Variants in ORMDL1 observed in about 807,000 individuals in gnomAD.
The protein encoded by ORMDL1 is ORMDL sphingolipid biosynthesis regulator 1.
ORMDL1 carries 10 observed loss-of-function variants against 13.0 expected under a neutral mutation model. The observed-to-expected ratio is 0.77, with a 90% CI of 0.47 to 1.30. The LOEUF is 1.30. Among genes scored for constraint, ORMDL1 ranks in the 50% most tolerant of loss-of-function variants. The pLI is 0.00. For missense variants in ORMDL1, 171 were observed against 186.7 expected, an observed-to-expected ratio of 0.92 and a Z score of 0.49; for synonymous variants, 61 against 63.9, an observed-to-expected ratio of 0.95 and a Z score of 0.22.
Position 189,770,337 on chromosome 2 carries a change from C to T in ORMDL1, c.*1430G>A, listed in dbSNP as rs114099016. 949 of 152,046 alleles carry T rather than the reference C, an allele frequency of 6.2e-3. 16 individuals are homozygous for T. The highest frequency in any genetic ancestry group is 0.021 in the African/African-American group (871 of 41,476). The allele number at this position is 152,046 out of a possible 1,614,324, so 9.4% of individuals were successfully genotyped here. A position where few individuals can be genotyped will look rare whatever the true frequency, so the allele number is the denominator to read the frequency against. Reference sequence around the variant, plus strand: ...GGCTTTTGAAATAATATTACACCAACGAAAAATTTTATTAAATTATAGATC... The same window carrying T: ...GGCTTTTGAAATAATATTACACCAATGAAAAATTTTATTAAATTATAGATC... On this transcript the variant is annotated 3_prime_UTR_variant, in exon 5 of 5. Transcript: ENST00000392349.
downstream of ORMDL1, among the ~76,000 whole-genome samples, chr2:189,769,245 G>C (rs981859997): frequency 6.6e-6 from 1 of 152,008 alleles, no homozygotes; most frequent in African/African-American, 2.4e-5. Flanking sequence ...AAATTAGCTG[G>C]GCATGGTGGT....
downstream of ORMDL1, among the ~76,000 whole-genome samples, chr2:189,769,323 G>A (rs1454056597): frequency 6.6e-6 from 1 of 151,736 alleles, no homozygotes; most frequent in Non-Finnish European, 1.5e-5. Context: ...GGAGGCAGAA[G>A]TTGCAGTGAG....
intron 4 of ORMDL1, chr2:189,773,750 T>C (rs2047632477): frequency 7.2e-6 from 1 of 139,426 alleles, no homozygotes; most frequent in African/African-American, 2.8e-5. Flanking sequence ...TGGAATAACA[T>C]TCCATGTCAC....
Position 189,770,312 on chromosome 2 carries a change from G to A in ORMDL1, c.*1455C>T, listed in dbSNP as rs1411901132. 1 of 151,894 alleles carries A rather than the reference G, an allele frequency of 6.6e-6. No homozygotes were observed. Among genetic ancestry groups the A allele is most frequent in the South Asian group, 2.1e-4 (1 of 4,826 alleles). 9.4% of individuals were successfully genotyped at this position (151,894 alleles called of 1,614,324 possible). ...TTAATTTTGATGACTAAATTTGGAG[G>A]GCTTTTGAAATAATATTACACCAAC... On this transcript the variant is annotated 3_prime_UTR_variant, in exon 5 of 5. Coordinates refer to ENST00000392349, the MANE Select transcript of ORMDL1 (RefSeq NM_016467.5).
At chr2:189,764,872 T>G in the ORMDL1 span, 1 of 152,086 alleles carries the variant, frequency 6.6e-6, no homozygotes, top group Non-Finnish European at 1.5e-5. Context: ...CTCACTCTGT[T>G]GCCAGGCTGG....
At chr2:189,777,619 TTG>T (rs1285117808) in intron 3 of ORMDL1, among the ~76,000 whole-genome samples, 1 of 152,208 alleles carries the variant, frequency 6.6e-6, no homozygotes, top group African/African-American at 2.4e-5. Context: ...GTAAAAATGT[TTG>T]TGATTATTAT....
In ORMDL1 at chr2:189,770,336, A is replaced by G. The variant is rs2047551609; in HGVS notation, c.*1431T>C. 6.6e-6 allele frequency: 1 copy of G among 152,200 alleles called. No homozygotes were observed. Among genetic ancestry groups the G allele is most frequent in the Non-Finnish European group, 1.5e-5 (1 of 68,012 alleles). 9.4% of individuals were successfully genotyped at this position (152,200 alleles called of 1,614,324 possible). A position where few individuals can be genotyped will look rare whatever the true frequency, so the allele number is the denominator to read the frequency against. ...GGGCTTTTGAAATAATATTACACCA[A>G]CGAAAAATTTTATTAAATTATAGAT... On this transcript the variant is annotated 3_prime_UTR_variant, in exon 5 of 5. Coordinates refer to ENST00000392349, the MANE Select transcript of ORMDL1 (RefSeq NM_016467.5).
chr2:189,776,914 A>G (rs1307049375), intron 3 of ORMDL1, among the ~76,000 whole-genome samples: 1 of 152,148 alleles, frequency 6.6e-6, no homozygotes, highest in Admixed American at 6.5e-5. Context: ...AAAAATGCAT[A>G]AACAGCTAGA....
At chr2:189,768,815 G>T (rs560688208), downstream of ORMDL1, among the ~76,000 whole-genome samples, 1 of 152,244 alleles carries the variant, frequency 6.6e-6, no homozygotes, top group Non-Finnish European at 1.5e-5. Flanking sequence ...CTGGAACTTA[G>T]AGCAGAATTA....
intron 3 of ORMDL1, among the ~76,000 whole-genome samples, chr2:189,776,682 A>G (rs756670279): frequency 6.6e-6 from 1 of 152,194 alleles, no homozygotes; most frequent in Non-Finnish European, 1.5e-5. Flanking sequence ...TTCAAGGCTT[A>G]GTCTACTTCC....
chr2:189,775,629 G>T lies in ORMDL1; in HGVS notation c.262C>A (p.Gln88Lys), dbSNP rs770154065. 2.5e-6 allele frequency: 4 copies of T among 1,613,894 alleles called. No homozygotes were observed. The African/African-American group carries it at 4.0e-5, about 16-fold the overall frequency. The change falls in exon 4 of 5, where the codon CAA becomes AAA. Residue 88 changes from glutamine to lysine, a missense_variant. Physicochemically the swap from Gln to Lys is moderately conservative, Grantham distance 53 (BLOSUM62 1). Transcript: ENST00000392349. ...GKARLLTHWEQLDYGVQFTSS... is the reference protein window; with the variant it reads ...GKARLLTHWEKLDYGVQFTSS... Reference sequence around the variant, plus strand: ...GTAAACTGTACTCCATAGTCCAGTTGTTCCCAATGAGTTAGGAGCCTTGCT... The same window carrying T: ...GTAAACTGTACTCCATAGTCCAGTTTTTCCCAATGAGTTAGGAGCCTTGCT...
At chr2:189,768,597 A>C (rs916330286), downstream of ORMDL1, among the ~76,000 whole-genome samples, 1 of 152,244 alleles carries the variant, frequency 6.6e-6, no homozygotes, top group African/African-American at 2.4e-5. Flanking sequence ...GTGAAGGGTA[A>C]GCCATAATTT....
At chr2:189,764,894 G>C in the ORMDL1 span, 1 of 151,720 alleles carries the variant, frequency 6.6e-6, no homozygotes, top group Non-Finnish European at 1.5e-5. Flanking sequence ...GTGCAGTGGT[G>C]CCATCTCAGC....
intron 3 of ORMDL1, among the ~76,000 whole-genome samples, chr2:189,779,768 A>G (rs1475243583): frequency 1.3e-5 from 2 of 152,252 alleles, no homozygotes; most frequent in Non-Finnish European, 2.9e-5. Context: ...ACTTGAGGAA[A>G]AAATGAGGGT....
chr2:189,768,443 T>C (rs189132616), downstream of ORMDL1, among the ~76,000 whole-genome samples: 40 of 152,324 alleles, frequency 2.6e-4, no homozygotes, highest in African/African-American at 8.9e-4. Flanking sequence ...ATATATGATA[T>C]AGAAGACACA....
chr2:189,782,708 T>C (rs973886851), intron 2 of ORMDL1, 106 bp from the exon 3 acceptor site: 11 of 1,083,362 alleles, frequency 1.0e-5, no homozygotes, highest in Admixed American at 2.4e-5. Context: ...TTTTTCCTAG[T>C]TACTTTGAAG....
At chr2:189,768,509 A>C (rs756294113), downstream of ORMDL1, among the ~76,000 whole-genome samples, 1 of 152,256 alleles carries the variant, frequency 6.6e-6, no homozygotes, top group Non-Finnish European at 1.5e-5. Context: ...AAGATGAATC[A>C]ATAAACTAAA....
chr2:189,782,427 T>A lies in ORMDL1; in HGVS notation c.169A>T (p.Asn57Tyr). The change falls in exon 3 of 5, where the codon AAT becomes TAT. Residue 57 changes from asparagine (N) to tyrosine (Y), a missense_variant. Transcript: ENST00000392349. Reference protein sequence around the residue: ...VAWTLTNIIHNLGMYVFLHAV... With the variant: ...VAWTLTNIIHYLGMYVFLHAV... ...GTATAATGTGAAATTCTTACCAGAT[T>A]ATGTATAATATTTGTTAAAGTCCAA... 3 of 1,611,304 alleles carry A rather than the reference T, an allele frequency of 1.9e-6. No homozygotes were observed. The highest frequency in any genetic ancestry group is 2.5e-6 in the Non-Finnish European group (3 of 1,177,890).
intron 3 of ORMDL1, among the ~76,000 whole-genome samples, chr2:189,776,705 T>C (rs531649828): frequency 6.6e-6 from 1 of 152,246 alleles, no homozygotes; most frequent in African/African-American, 2.4e-5. Flanking sequence ...GTTATTCCAG[T>C]AGGCAATTCA....
Sources: gnomAD v4.1 joint callset for allele counts (sites outside exome capture counted in the v4.1 genomes callset) on GRCh38, gnomAD v4.1.1 for gene constraint, MANE v1.5 for transcripts, NCBI Gene and HGNC (gene_info 2026-07-23, HGNC 2026-07-21) for gene names.